Variants in NPEPPS observed in about 807,000 individuals in gnomAD.
NPEPPS encodes the protein puromycin-sensitive aminopeptidase.
A neutral mutation model predicts 115.5 loss-of-function variants in NPEPPS; 14 were observed. The observed-to-expected ratio is 0.12, with a 90% CI of 0.08 to 0.19. The LOEUF (loss-of-function observed/expected upper bound fraction) is 0.19, where lower values mean the gene tolerates loss of function less well. Among genes scored for constraint, NPEPPS ranks in the 10% least tolerant of loss-of-function variants. The pLI is 1.00. For missense variants in NPEPPS, 523 were observed against 1,110.8 expected (o/e 0.47, Z 7.52); for synonymous variants, 285 against 390.6 (o/e 0.73, Z 3.19).
At chr17:47,568,644 A>T (rs1376651233) in intron 2 of NPEPPS, among the ~76,000 whole-genome samples, 7 of 151,836 alleles carry the variant, frequency 4.6e-5, no homozygotes, top group Non-Finnish European at 8.8e-5. Flanking sequence ...ACCTGTTTTC[A>T]TGTAACAACA....
chr17:47,542,596 T>G (rs1180412518), intron 1 of NPEPPS, among the ~76,000 whole-genome samples: 1 of 150,782 alleles, frequency 6.6e-6, no homozygotes, highest in Non-Finnish European at 1.5e-5. Flanking sequence ...GCACTAAACC[T>G]GCCAGTCACC....
chr17:47,622,954 G>GT lies in NPEPPS; in HGVS notation c.*1035dup. On this transcript the variant is annotated 3_prime_UTR_variant, in exon 23 of 23. Transcript: ENST00000322157. The stretch of plus-strand genomic sequence containing the variant: ...TGCTGCAGGGCTTAATACATTAGTG[G>GT]TAACTGGTTTAAAAAACAAAGACTG... 2.2e-6 allele frequency: 1 copy of GT among 455,830 alleles called. No individual in the cohort carries two copies. Among genetic ancestry groups the GT allele is most frequent in the South Asian group, 1.6e-5 (1 of 64,504 alleles). The allele number at this position is 455,830 out of a possible 1,614,324, so 28.2% of individuals were successfully genotyped here.
chr17:47,526,208 A>G (rs954754604), upstream of NPEPPS, among the ~76,000 whole-genome samples: 23 of 152,318 alleles, frequency 1.5e-4, no homozygotes, highest in Admixed American at 1.4e-3. Context: ...GCAAAACTCC[A>G]TCTCAAAAAA....
At chr17:47,589,642 T>C (rs1347707217) in intron 9 of NPEPPS, among the ~76,000 whole-genome samples, 2 of 152,210 alleles carry the variant, frequency 1.3e-5, no homozygotes, top group Non-Finnish European at 2.9e-5. Context: ...TAAAATTGAT[T>C]TTATCTGTCA....
intron 16 of NPEPPS, 98 bp downstream of exon 16, chr17:47,604,147 T>G (rs879104347): frequency 8.7e-7 from 1 of 1,147,724 alleles, no homozygotes; most frequent in East Asian, 2.4e-5. Flanking sequence ...AATATGGGTC[T>G]TCATGATGGT....
intron 1 of NPEPPS, among the ~76,000 whole-genome samples, chr17:47,543,565 G>GATCC (rs1908945133): frequency 6.7e-6 from 1 of 149,316 alleles, no homozygotes; most frequent in African/African-American, 2.5e-5. Flanking sequence ...GACCTCAAGT[G>GATCC]ATCCACCCAC....
chr17:47,539,734 A>G (rs1419682275), intron 1 of NPEPPS, among the ~76,000 whole-genome samples: 1 of 152,198 alleles, frequency 6.6e-6, no homozygotes, highest in Admixed American at 6.6e-5. Context: ...ATTAATGGTA[A>G]TTATTTTTGA....
upstream of NPEPPS, among the ~76,000 whole-genome samples, chr17:47,528,585 A>C (rs1234935053): frequency 6.6e-6 from 1 of 152,182 alleles, no homozygotes; most frequent in Non-Finnish European, 1.5e-5. Context: ...TGTAAAATAC[A>C]TGCTGGATTT....
intron 14 of NPEPPS, among the ~76,000 whole-genome samples, chr17:47,599,980 G>C (rs186808335): frequency 6.6e-6 from 1 of 151,896 alleles, no homozygotes; most frequent in South Asian, 2.1e-4. Context: ...CACCATGCTC[G>C]GCTAATTTTT....
chr17:47,588,856 T>A (rs920449837), intron 9 of NPEPPS, among the ~76,000 whole-genome samples: 1 of 152,214 alleles, frequency 6.6e-6, no homozygotes, highest in African/African-American at 2.4e-5. Flanking sequence ...AAAATAAGTT[T>A]CATTTTATGC....
At chr17:47,553,612 A>G (rs987177132) in intron 2 of NPEPPS, among the ~76,000 whole-genome samples, 28 of 152,202 alleles carry the variant, frequency 1.8e-4, no homozygotes, top group Non-Finnish European at 3.4e-4. Flanking sequence ...TATATATGCT[A>G]TGTTTTTCCC....
chr17:47,533,684 C>T (rs1271622381), intron 1 of NPEPPS, among the ~76,000 whole-genome samples: 1 of 151,998 alleles, frequency 6.6e-6, no homozygotes, highest in Non-Finnish European at 1.5e-5. Context: ...ACATGTTTCT[C>T]CTTACCTCTT....
chr17:47,570,157 C>T (rs1355811700), intron 3 of NPEPPS, among the ~76,000 whole-genome samples: 1 of 152,184 alleles, frequency 6.6e-6, no homozygotes, highest in African/African-American at 2.4e-5. Context: ...CATGGTGGCT[C>T]ACACCTGCAA....
Position 47,612,462 on chromosome 17 carries a change from C to A in NPEPPS, c.2098C>A (p.His700Asn). Residue 700 changes from histidine (H) to asparagine (N), a missense_variant and splice_region_variant, in exon 18 of 23, where the codon CAT becomes AAT. His to Asn is a moderately conservative substitution (Grantham distance 68). Around this residue, in one of 4 missense-constraint regions of NPEPPS, gnomAD observed 372 missense variants for 542.6 expected, o/e 0.69. Transcript: ENST00000322157. ...LGWDPKPGEG[H>N]LDALLRGLVL... is the part of the protein sequence containing the mutation. ...GTCTCTTTTACTTCTCAAATCAGGT[C>A]ATCTCGATGCACTCCTGAGGGGCTT... is the stretch of plus-strand genomic sequence containing the variant. 1 of 1,613,650 alleles carries A rather than the reference C, an allele frequency of 6.2e-7. No individual in the cohort carries two copies. Among genetic ancestry groups the A allele is most frequent in the South Asian group, 1.1e-5 (1 of 91,036 alleles).
chr17:47,553,339 C>T (rs1461916903), intron 2 of NPEPPS, among the ~76,000 whole-genome samples: 2 of 150,974 alleles, frequency 1.3e-5, no homozygotes, highest in Non-Finnish European at 2.9e-5. Flanking sequence ...CGCCATTGCA[C>T]TCCAGCCTGG....
At chr17:47,597,232 G>T (rs1912937441) in intron 13 of NPEPPS, among the ~76,000 whole-genome samples, 1 of 152,112 alleles carries the variant, frequency 6.6e-6, no homozygotes, top group South Asian at 2.1e-4. Context: ...TTTTAATTAG[G>T]ATTGCAATTC....
At position 47,605,459 on chromosome 17, in the gene NPEPPS, C is replaced by T; in HGVS notation, c.2002C>T (p.His668Tyr). Reference sequence around the variant, plus strand: ...GGGGATTCTCTCAACTCTCTTGTCCCACACAGACTTCTATGAGGAAATCCA... The same window carrying T: ...GGGGATTCTCTCAACTCTCTTGTCCTACACAGACTTCTATGAGGAAATCCA... ...NLGILSTLLS[H>Y]TDFYEEIQEF... The change falls in exon 17 of 23, where the codon CAC becomes TAC. Residue 668 changes from histidine (H) to tyrosine (Y), a missense_variant. His to Tyr is a moderately conservative substitution (Grantham distance 83). Coordinates refer to ENST00000322157, the MANE Select transcript of NPEPPS (RefSeq NM_006310.4). The T allele has an allele frequency of 1.9e-6, 3 of 1,608,916 alleles. No individual in the cohort carries two copies. Among genetic ancestry groups the T allele is most frequent in the Non-Finnish European group, 2.5e-6 (3 of 1,177,422 alleles).
chr17:47,585,548 G>A lies in NPEPPS; in HGVS notation c.697G>A (p.Val233Met). ...CCCTGATGATGAAAATTTAGTGGAA[G>A]TGAAGTTTGCCCGCACACCTGTTAT... ...PYPDDENLVEVKFARTPVMST... is the reference protein window; with the variant it reads ...PYPDDENLVEMKFARTPVMST... The change falls in exon 6 of 23, where the codon GTG becomes ATG. Residue 233 changes from valine (V) to methionine (M), a missense_variant. Val to Met is a conservative substitution (Grantham distance 21). Coordinates refer to ENST00000322157, the MANE Select transcript of NPEPPS (RefSeq NM_006310.4). 6.2e-7 allele frequency: 1 copy of A among 1,613,904 alleles called. No individual in the cohort carries two copies. Among genetic ancestry groups the A allele is most frequent in the Non-Finnish European group, 8.5e-7 (1 of 1,179,812 alleles).
At chr17:47,610,847 T>TC (rs1247797484) in intron 17 of NPEPPS, among the ~76,000 whole-genome samples, 2 of 34,356 alleles carry the variant, frequency 5.8e-5, no homozygotes, top group African/African-American at 1.4e-4. Context: ...TGATGACTCT[T>TC]TTTTTTTTTT....
Sources: allele counts gnomAD v4.1 joint callset (sites outside exome capture counted in the v4.1 genomes callset), GRCh38; gene constraint gnomAD v4.1.1; regional missense constraint gnomAD v4.1.1; transcripts MANE v1.5; gene names NCBI Gene and HGNC (gene_info 2026-07-23, HGNC 2026-07-21).